CCNH: variants seen among roughly 807,000 people sequenced by gnomAD.
CCNH encodes cyclin-H.
Under a neutral mutation model 41.9 loss-of-function variants are expected in CCNH, and 31 were observed. The observed-to-expected ratio is 0.74, with a 90% CI of 0.56 to 1.00. The LOEUF (loss-of-function observed/expected upper bound fraction) is 1.00. Among genes scored for constraint, CCNH ranks in the 50% least tolerant of loss-of-function variants. CCNH has a pLI of 0.00. For synonymous variants in CCNH, 138 were observed against 136.1 expected, an observed-to-expected ratio of 1.01 and a Z score of -0.10; for missense variants, 362 against 388.4, an observed-to-expected ratio of 0.93 and a Z score of 0.57.
intron 9 of CCNH, among the ~76,000 whole-genome samples, chr5:87,362,362 C>T (rs1339399554): frequency 6.6e-5 from 10 of 152,000 alleles, no homozygotes; most frequent in Non-Finnish European, 1.3e-4. Flanking sequence ...ACTTTGTTGT[C>T]GGTGTTCTTC....
At chr5:87,316,951 C>T (rs966672615), downstream of CCNH, among the ~76,000 whole-genome samples, 11 of 151,638 alleles carry the variant, frequency 7.3e-5, no homozygotes, top group African/African-American at 1.7e-4. Flanking sequence ...GGCGAAATCT[C>T]GGCTTACTGC....
intron 9 of CCNH, chr5:87,363,227 A>G (rs1231759862): frequency 1.3e-5 from 12 of 906,618 alleles, no homozygotes; most frequent in Middle Eastern, 3.4e-4. Context: ...AAGAATTGGC[A>G]TATTACATAA....
At chr5:87,338,562 G>T (rs1758199539) in intron 9 of CCNH, among the ~76,000 whole-genome samples, 1 of 122,860 alleles carries the variant, frequency 8.1e-6, no homozygotes, top group African/African-American at 3.1e-5. Context: ...AGTAGAAATG[G>T]GGTTTTACCA....
At chr5:87,376,373 T>G in exon 1 of CCNH, 2 of 1,613,444 alleles carry the variant, frequency 1.2e-6, no homozygotes, top group Non-Finnish European at 1.7e-6. Flanking sequence ...AAACAATAAT[T>G]GCTTGTTTTT....
downstream of CCNH, among the ~76,000 whole-genome samples, chr5:87,314,752 G>T (rs544115877): frequency 3.3e-5 from 5 of 152,170 alleles, no homozygotes; most frequent in South Asian, 6.2e-4. Flanking sequence ...AAAAAAAAAA[G>T]TGTTGAGTTT....
At chr5:87,392,556 G>C (rs1762599622), downstream of CCNH, 5 of 341,732 alleles carry the variant, frequency 1.5e-5, no homozygotes, top group South Asian at 1.2e-4. Context: ...TTGGTTACAT[G>C]ATAGAAGACA....
At chr5:87,372,251 T>C, downstream of CCNH, 2 of 1,493,246 alleles carry the variant, frequency 1.3e-6, no homozygotes, top group Admixed American at 3.4e-5. Flanking sequence ...AACACTTTGC[T>C]CTTTTTATTT....
chr5:87,360,124 G>GT (rs755443447), intron 9 of CCNH, among the ~76,000 whole-genome samples: 6,150 of 132,646 alleles, frequency 0.046, 177 homozygotes, highest in Non-Finnish European at 0.068. Context: ...TCAAAATGCA[G>GT]TTTTTTTTTT....
chr5:87,391,995 T>G, downstream of CCNH: 1 of 243,910 alleles, frequency 4.1e-6, no homozygotes, highest in Non-Finnish European at 8.2e-6. Context: ...GTTTAAACCT[T>G]AGCATCAGAG....
chr5:87,385,339 G>A lies in CCNH; in HGVS notation c.*90+7431C>T, dbSNP rs753763488. 8.1e-6 allele frequency: 13 copies of A among 1,611,640 alleles called. No homozygotes were observed. In the South Asian group the frequency reaches 1.3e-4, roughly 16 times the overall value. ...TATTGCTGCAAGAACACTGATATTAGTGGCTAAATCTGTGCAGAACTTAGC... is the reference window on the plus strand; with the variant it reads ...TATTGCTGCAAGAACACTGATATTAATGGCTAAATCTGTGCAGAACTTAGC... On this transcript the variant is annotated intron_variant and NMD_transcript_variant, in intron 9 of 9. Coordinates refer to the CCNH transcript ENST00000645953.
chr5:87,382,021 G>A (rs543530239), upstream of CCNH, among the ~76,000 whole-genome samples: 15 of 152,086 alleles, frequency 9.9e-5, no homozygotes, highest in African/African-American at 3.1e-4. Flanking sequence ...GTGTGATTTC[G>A]GCTTACTGCA....
intron 9 of CCNH, among the ~76,000 whole-genome samples, chr5:87,339,615 C>T (rs2112393251): frequency 6.6e-6 from 1 of 152,084 alleles, no homozygotes; most frequent in South Asian, 2.1e-4. Flanking sequence ...GAAAATTACT[C>T]AATGTATACA....
At chr5:87,337,221 C>T (rs1320557072) in intron 9 of CCNH, among the ~76,000 whole-genome samples, 1 of 152,050 alleles carries the variant, frequency 6.6e-6, no homozygotes, top group African/African-American at 2.4e-5. Flanking sequence ...TGAAATACAT[C>T]AGCAACTTGT....
chr5:87,412,720 G>A lies in CCNH; in HGVS notation c.75C>T (p.Asp25=), dbSNP rs969711466. 2.5e-6 allele frequency: 4 copies of A among 1,614,176 alleles called. No homozygotes were observed. In the Admixed American group the frequency reaches 6.7e-5, roughly 27 times the overall value. Reference sequence around the variant, plus strand: ...CTTTGCATCTGAATTTGCGGTTGGCGTCAGCCCGCAGTCTTGCCAGCTGCT... The same window carrying A: ...CTTTGCATCTGAATTTGCGGTTGGCATCAGCCCGCAGTCTTGCCAGCTGCT... ...SEEQLARLRA[D]ANRKFRCKAV... is the part of the protein sequence containing the mutation. Residue 25 remains aspartate, a synonymous_variant, in exon 1 of 9, where the codon GAC becomes GAT. Coordinates refer to ENST00000256897, the MANE Select transcript of CCNH (RefSeq NM_001239.4).
chr5:87,342,640 CTG>C (rs755957968), intron 9 of CCNH, among the ~76,000 whole-genome samples: 19 of 152,268 alleles, frequency 1.2e-4, no homozygotes, highest in Admixed American at 2.6e-4. Context: ...AAAAACAACA[CTG>C]TACGTGTGGT....
At chr5:87,385,243 G>A (rs1761987075) in intron 9 of CCNH, 1 of 1,072,386 alleles carries the variant, frequency 9.3e-7, no homozygotes, top group East Asian at 2.4e-5. Flanking sequence ...ATTTATAATG[G>A]TTTAGCTGGA....
chr5:87,313,000 G>C, the CCNH span, among the ~76,000 whole-genome samples: 5 of 152,184 alleles, frequency 3.3e-5, no homozygotes, highest in Admixed American at 3.3e-4. Flanking sequence ...GAGGGAGAAA[G>C]AGTTCCCACA....
intron 9 of CCNH, among the ~76,000 whole-genome samples, chr5:87,339,071 T>G (rs931050105): frequency 6.6e-6 from 1 of 152,196 alleles, no homozygotes; most frequent in Non-Finnish European, 1.5e-5. Flanking sequence ...GGAGTGGCTT[T>G]CTGTTGTCTT....
downstream of CCNH, chr5:87,372,029 T>C (rs546745423): frequency 9.8e-7 from 1 of 1,021,586 alleles, no homozygotes; most frequent in South Asian, 1.5e-5. Context: ...AGGAAAAAAT[T>C]GTTGAATTTG....
Sources: gnomAD v4.1 joint callset for allele counts (sites outside exome capture counted in the v4.1 genomes callset) on GRCh38, gnomAD v4.1.1 for gene constraint, MANE v1.5 for transcripts, NCBI Gene and HGNC (gene_info 2026-07-23, HGNC 2026-07-21) for gene names.